Variants in NAA15 observed in about 807,000 individuals in gnomAD.
The protein encoded by NAA15 is N-terminal acetyltransferase.
NAA15 carries 34 observed loss-of-function variants against 114.0 expected under a neutral mutation model. The ratio of observed to expected loss-of-function variants is 0.30; its 90% CI spans 0.23 to 0.40. The LOEUF (loss-of-function observed/expected upper bound fraction) is 0.40, where lower values mean the gene tolerates loss of function less well. Ranked by LOEUF, NAA15 falls within the 10% of genes least tolerant of loss-of-function variation. NAA15 has a pLI of 1.00. For missense variants in NAA15, 658 were observed against 1,004.5 expected (o/e 0.66, Z 4.66); for synonymous variants, 340 against 338.0 (o/e 1.01, Z -0.06).
At chr4:139,353,550 C>G (rs1450737878) in intron 9 of NAA15, among the ~76,000 whole-genome samples, 2 of 152,218 alleles carry the variant, frequency 1.3e-5, no homozygotes, top group African/African-American at 2.4e-5. Context: ...GCCACTCATT[C>G]TCCTGGACCT....
In NAA15 at chr4:139,340,965, A is replaced by G; in HGVS notation, c.298A>G (p.Ile100Val). ...GTCAGACAAGAAGTATGATGAAGCC[A>G]TTAAGTGTTACAGAAATGCACTAAA... ...QRSDKKYDEA[I>V]KCYRNALKWD... is the part of the protein sequence containing the mutation. Residue 100 changes from isoleucine to valine, a missense_variant, in exon 4 of 20, where the codon ATT becomes GTT. Ile to Val is a conservative substitution (Grantham distance 29). Around this residue, in one of 6 missense-constraint regions of NAA15, gnomAD observed 75 missense variants for 172.3 expected, o/e 0.44. Transcript: ENST00000296543. 1 of 1,607,938 alleles carries G rather than the reference A, an allele frequency of 6.2e-7. No individual in the cohort carries two copies. The highest frequency in any genetic ancestry group is 8.5e-7 in the Non-Finnish European group (1 of 1,177,552).
chr4:139,381,771 T>C (rs1346960615), intron 17 of NAA15, among the ~76,000 whole-genome samples: 1 of 152,150 alleles, frequency 6.6e-6, no homozygotes. Flanking sequence ...AGCCACCTTT[T>C]CATTGTGTGT....
At chr4:139,328,535 TTTTTCC>T (rs1378569792) in intron 1 of NAA15, among the ~76,000 whole-genome samples, 1 of 151,418 alleles carries the variant, frequency 6.6e-6, no homozygotes, top group African/African-American at 2.4e-5. Flanking sequence ...TGTATTTTCT[TTTTTCC>T]TTTTCCTTTT....
chr4:139,384,694 A>T, intron 17 of NAA15, 138 bp from the exon 18 acceptor site: 1 of 466,546 alleles, frequency 2.1e-6, no homozygotes. Flanking sequence ...GGTTGAGGCT[A>T]CAGTGAGCCA....
intron 2 of NAA15, among the ~76,000 whole-genome samples, chr4:139,335,710 C>G (rs1747179371): frequency 6.6e-6 from 1 of 151,898 alleles, no homozygotes; most frequent in Non-Finnish European, 1.5e-5. Context: ...TGCCCTGCCA[C>G]TGTAACATAC....
chr4:139,376,991 G>A (rs1237220088), intron 16 of NAA15, among the ~76,000 whole-genome samples: 3 of 152,192 alleles, frequency 2.0e-5, no homozygotes, highest in African/African-American at 7.2e-5. Flanking sequence ...GCAGGTAAAA[G>A]ATGAATGAAG....
intron 11 of NAA15, among the ~76,000 whole-genome samples, chr4:139,359,236 C>G (rs1420549630): frequency 1.3e-5 from 2 of 152,076 alleles, no homozygotes; most frequent in African/African-American, 2.4e-5. Context: ...TAAAGTGATT[C>G]TCCTGCCTCA....
chr4:139,318,878 A>C (rs562562833), intron 1 of NAA15, among the ~76,000 whole-genome samples: 1 of 152,242 alleles, frequency 6.6e-6, no homozygotes, highest in Non-Finnish European at 1.5e-5. Context: ...AAACTTTCAT[A>C]TAAGTAACAG....
intron 15 of NAA15, among the ~76,000 whole-genome samples, chr4:139,371,617 G>C (rs747554989): frequency 3.3e-5 from 5 of 151,250 alleles, no homozygotes; most frequent in Non-Finnish European, 5.9e-5. Context: ...ATACCTGCTA[G>C]GAACAAACAC....
intron 2 of NAA15, 27 bp from the exon 3 acceptor site, chr4:139,336,821 C>G (rs905832047): frequency 7.5e-7 from 1 of 1,337,696 alleles, no homozygotes; most frequent in Non-Finnish European, 1.0e-6. Context: ...TTAAAATGTT[C>G]CTTTTCTTCT....
At chr4:139,374,889 T>C (rs979454598) in intron 15 of NAA15, among the ~76,000 whole-genome samples, 1 of 152,220 alleles carries the variant, frequency 6.6e-6, no homozygotes, top group African/African-American at 2.4e-5. Context: ...GTTTCCTCTC[T>C]CCAAGTTCGA....
Position 139,389,052 on chromosome 4 carries a change from A to T in NAA15, c.*968A>T, listed in dbSNP as rs1168791357. On this transcript the variant is annotated 3_prime_UTR_variant, in exon 20 of 20. Coordinates refer to ENST00000296543, the MANE Select transcript of NAA15 (RefSeq NM_057175.5). ...CTTGTTCACGATATGCAGAAAAAAA[A>T]GTGCTGCAGTTTAGATACCTCTGGA... is the stretch of plus-strand genomic sequence containing the variant. The T allele has an allele frequency of 3.9e-5, 6 of 152,614 alleles. No homozygotes were observed. The highest frequency in any genetic ancestry group is 2.1e-4 in the South Asian group (1 of 4,832). 9.5% of individuals were successfully genotyped at this position (152,614 alleles called of 1,614,324 possible).
intron 5 of NAA15, 137 bp downstream of exon 5, chr4:139,343,097 A>G (rs1161422536): frequency 6.0e-6 from 4 of 667,644 alleles, no homozygotes; most frequent in Admixed American, 6.3e-5. Flanking sequence ...AAAGAACTCT[A>G]CATAGGGGTT....
chr4:139,301,819 C>A lies in NAA15; in HGVS notation c.42C>A (p.Phe14Leu). Residue 14 changes from phenylalanine to leucine, a missense_variant, in exon 1 of 20, where the codon TTC becomes TTA. Physicochemically the swap from Phe to Leu is conservative, Grantham distance 22. Transcript: ENST00000296543. The stretch of plus-strand genomic sequence containing the variant: ...TCCCGCCCAAGGAGAATGCGCTCTT[C>A]AAGCGGATCTTGGTAAGTGTGAGGC... Reference protein sequence around the residue: ...VSLPPKENALFKRILRCYEHK... With the variant: ...VSLPPKENALLKRILRCYEHK... 6.3e-7 allele frequency: 1 copy of A among 1,593,936 alleles called. No homozygotes were observed. Among genetic ancestry groups the A allele is most frequent in the South Asian group, 1.1e-5 (1 of 87,894 alleles).
chr4:139,380,561 G>A (rs1748721382), intron 17 of NAA15, among the ~76,000 whole-genome samples: 1 of 152,122 alleles, frequency 6.6e-6, no homozygotes. Context: ...TCTTTCAGCA[G>A]TTGGTTTCAG....
At chr4:139,323,889 TTATTATC>T (rs1410777628) in intron 1 of NAA15, among the ~76,000 whole-genome samples, 2 of 152,134 alleles carry the variant, frequency 1.3e-5, no homozygotes, top group Non-Finnish European at 2.9e-5. Context: ...ACATGCGACT[TTATTATC>T]TATTAGAACA....
chr4:139,361,235 T>C (rs1748123391), intron 13 of NAA15, among the ~76,000 whole-genome samples: 1 of 152,160 alleles, frequency 6.6e-6, no homozygotes, highest in African/African-American at 2.4e-5. Context: ...AGTTCCTGAT[T>C]GCTTGACTTA....
chr4:139,365,519 T>C (rs1748254857), intron 14 of NAA15, among the ~76,000 whole-genome samples: 1 of 152,132 alleles, frequency 6.6e-6, no homozygotes, highest in Non-Finnish European at 1.5e-5. Context: ...CGTGAGGTTG[T>C]TGAGGACATC....
At chr4:139,364,769 A>G (rs2110965921) in intron 14 of NAA15, among the ~76,000 whole-genome samples, 1 of 152,312 alleles carries the variant, frequency 6.6e-6, no homozygotes, top group South Asian at 2.1e-4. Flanking sequence ...TTATGCATAC[A>G]CGGTAGAATT....
Sources: allele counts gnomAD v4.1 joint callset (sites outside exome capture counted in the v4.1 genomes callset), GRCh38; gene constraint gnomAD v4.1.1; regional missense constraint gnomAD v4.1.1; transcripts MANE v1.5; gene names NCBI Gene and HGNC (gene_info 2026-07-23, HGNC 2026-07-21).